The following LRRIQ3 variants were observed in gnomAD, a reference collection of about 807,000 sequenced individuals.
LRRIQ3 encodes leucine rich repeats and IQ motif containing 3.
Under a neutral mutation model 59.3 loss-of-function variants are expected in LRRIQ3, and 75 were observed. The observed-to-expected ratio is 1.26, with a 90% confidence interval of 1.05 to 1.53. The LOEUF (loss-of-function observed/expected upper bound fraction) is 1.53. Among genes scored for constraint, LRRIQ3 ranks in the 40% most tolerant of loss-of-function variants. The probability of loss-of-function intolerance (pLI) is 0.00; values close to 1 mark genes in which losing one functional copy is unlikely to be tolerated. For synonymous variants in LRRIQ3, 250 were observed against 231.3 expected, an observed-to-expected ratio of 1.08 and a Z score of -0.73; for missense variants, 831 against 710.0, an observed-to-expected ratio of 1.17 and a Z score of -1.94.
chr1:74,151,017 T>C (rs891807482), intron 4 of LRRIQ3, among the ~76,000 whole-genome samples: 8 of 139,806 alleles, frequency 5.7e-5, no homozygotes, highest in Non-Finnish European at 1.1e-4. Flanking sequence ...CTTTCTTTTT[T>C]TTTTTTTTTT....
chr1:74,182,543 T>A lies in LRRIQ3; in HGVS notation c.568A>T (p.Arg190Ter). The A allele has an allele frequency of 6.5e-7, 1 of 1,536,716 alleles. No individual in the cohort carries two copies. Among genetic ancestry groups the A allele is most frequent in the Non-Finnish European group, 8.7e-7 (1 of 1,144,180 alleles). ...RLFFNFCPAL[R>*]KGTTYEEEIN... ...ACCCTAAAGAAGCCAATTACCTTTC[T>A]CAAAGCTGGGCAGAAATTAAAGAAA... Residue 190 changes from arginine to a stop codon, truncating the protein, a stop_gained, in exon 3 of 8, where the codon AGA becomes TGA. Transcript: ENST00000354431. LOFTEE classifies it high-confidence loss of function.
chr1:74,079,413 G>A (rs1646246922), intron 5 of LRRIQ3, among the ~76,000 whole-genome samples: 1 of 151,648 alleles, frequency 6.6e-6, no homozygotes, highest in Non-Finnish European at 1.5e-5. Flanking sequence ...TTCCCAAAAT[G>A]TGCATGGCTA....
chr1:74,177,495 G>A (rs1296934342), intron 3 of LRRIQ3, among the ~76,000 whole-genome samples: 2 of 152,044 alleles, frequency 1.3e-5, no homozygotes, highest in Non-Finnish European at 2.9e-5. Flanking sequence ...TAAAGAAGAA[G>A]AAAAACAAAC....
intron 7 of LRRIQ3, among the ~76,000 whole-genome samples, chr1:74,028,551 G>C (rs569381878): frequency 3.9e-4 from 59 of 152,144 alleles, no homozygotes; most frequent in African/African-American, 1.4e-3. Context: ...GAAATGGTTA[G>C]TGTTAAGAGC....
rs1653526719 is a variant in LRRIQ3, at chr1:74,026,734, A to G, written c.*79T>C. 2.6e-6 allele frequency: 3 copies of G among 1,137,428 alleles called. No homozygotes were observed. The highest frequency in any genetic ancestry group is 4.9e-5 in the East Asian group (2 of 40,622). The allele number at this position is 1,137,428 out of a possible 1,614,324, so 70.5% of individuals were successfully genotyped here. A position where few individuals can be genotyped will look rare whatever the true frequency, so the allele number is the denominator to read the frequency against. On this transcript the variant is annotated 3_prime_UTR_variant, in exon 8 of 8. Transcript: ENST00000354431. ...TGTGATGTAGAGTATTTCTTGCTTT[A>G]GAGTATTATTTCAAATTCCTTCAAC...
chr1:74,158,309 A>C (rs1313572892), intron 3 of LRRIQ3, among the ~76,000 whole-genome samples: 2 of 152,172 alleles, frequency 1.3e-5, no homozygotes, highest in African/African-American at 4.8e-5. Context: ...TTCTAGATTA[A>C]TATATTTATT....
At chr1:74,104,434 A>T (rs1646579408) in intron 5 of LRRIQ3, among the ~76,000 whole-genome samples, 1 of 152,060 alleles carries the variant, frequency 6.6e-6, no homozygotes, top group African/African-American at 2.4e-5. Flanking sequence ...GAAGCAAACA[A>T]GACGTCCTTC....
chr1:74,127,529 T>A (rs1287111016), intron 4 of LRRIQ3, among the ~76,000 whole-genome samples: 1 of 151,966 alleles, frequency 6.6e-6, no homozygotes, highest in East Asian at 1.9e-4. Context: ...GCAAATGATA[T>A]TCTATAACTC....
intron 4 of LRRIQ3, among the ~76,000 whole-genome samples, chr1:74,137,938 G>T (rs542006590): frequency 6.8e-6 from 1 of 147,258 alleles, no homozygotes; most frequent in Non-Finnish European, 1.5e-5. Flanking sequence ...ACCGGGGCCT[G>T]TCAGGGGGTG....
chr1:74,148,667 G>A (rs1647730370), intron 4 of LRRIQ3, among the ~76,000 whole-genome samples: 2 of 152,162 alleles, frequency 1.3e-5, no homozygotes, highest in Admixed American at 1.3e-4. Context: ...AAGTACTCGT[G>A]AGATAACGTT....
At chr1:74,073,954 T>A (rs1291415252) in intron 6 of LRRIQ3, among the ~76,000 whole-genome samples, 1 of 152,104 alleles carries the variant, frequency 6.6e-6, no homozygotes, top group Admixed American at 6.6e-5. Context: ...AACTAAAATT[T>A]TATCAGCAAT....
chr1:74,052,915 T>C (rs1654410517), intron 6 of LRRIQ3, among the ~76,000 whole-genome samples: 2 of 152,154 alleles, frequency 1.3e-5, no homozygotes, highest in Non-Finnish European at 2.9e-5. Flanking sequence ...TTCTTTCTGG[T>C]TTTTAAAAAT....
intron 6 of LRRIQ3, among the ~76,000 whole-genome samples, chr1:74,054,756 A>ATC (rs112600827): frequency 1.5e-4 from 22 of 144,248 alleles, no homozygotes; most frequent in African/African-American, 5.4e-4. Context: ...ATATATATAT[A>ATC]TCTATATATC....
intron 4 of LRRIQ3, among the ~76,000 whole-genome samples, chr1:74,110,907 C>A (rs1205360140): frequency 6.6e-6 from 1 of 151,968 alleles, no homozygotes; most frequent in Non-Finnish European, 1.5e-5. Flanking sequence ...TTTACCATAT[C>A]CAAAATCACT....
rs182798407 is a variant in LRRIQ3, at chr1:74,109,457, G to A, written c.804C>T (p.Leu268=). 4.8e-4 allele frequency: 762 copies of A among 1,575,574 alleles called. 2 individuals carry two copies. In the African/African-American group the frequency reaches 9.1e-3, roughly 19 times the overall value. ...CAGGTTTGAAAAAGAGATCCTTAAG[G>A]AGCTTATCTTCATACCCTTTGGTTA... The part of the protein sequence containing the change: ...IYITKGYEDK[L]LKDLFFKPET... Residue 268 remains leucine, a synonymous_variant, in exon 5 of 8, where the codon CTC becomes CTT. Transcript: ENST00000354431.
At chr1:74,155,640 C>T (rs1648273133) in intron 4 of LRRIQ3, 93 bp downstream of exon 4, 2 of 1,250,482 alleles carry the variant, frequency 1.6e-6, no homozygotes, top group Non-Finnish European at 2.2e-6. Context: ...ATAGAGAATA[C>T]AAAAATGCAA....
chr1:74,062,825 C>T (rs1485828526), intron 6 of LRRIQ3, among the ~76,000 whole-genome samples: 1 of 151,920 alleles, frequency 6.6e-6, no homozygotes, highest in African/African-American at 2.4e-5. Flanking sequence ...ACATTGGGGC[C>T]TACTTGAAGG....
intron 4 of LRRIQ3, among the ~76,000 whole-genome samples, chr1:74,124,152 GTA>G (rs1359081264): frequency 1.3e-5 from 2 of 151,930 alleles, no homozygotes; most frequent in East Asian, 1.9e-4. Flanking sequence ...TGTTTTCCAT[GTA>G]TATGTCTTCT....
intron 5 of LRRIQ3, among the ~76,000 whole-genome samples, chr1:74,091,081 G>T (rs1038087217): frequency 4.6e-5 from 7 of 152,020 alleles, no homozygotes; most frequent in African/African-American, 1.7e-4. Context: ...GAATAACTTT[G>T]GTGGCTCAAG....
Sources: gnomAD v4.1 joint callset for allele counts (sites outside exome capture counted in the v4.1 genomes callset) on GRCh38, gnomAD v4.1.1 for gene constraint, MANE v1.5 for transcripts, NCBI Gene and HGNC (gene_info 2026-07-23, HGNC 2026-07-21) for gene names.